TEKT5: variants seen among roughly 807,000 people sequenced by gnomAD.
TEKT5 encodes tektin 5.
In TEKT5, 52 loss-of-function variants were observed where a neutral mutation model predicts 48.7. The ratio of observed to expected loss-of-function variants is 1.07; its 90% CI spans 0.86 to 1.35. The LOEUF is 1.35. Among genes scored for constraint, TEKT5 ranks in the 40% most tolerant of loss-of-function variants. The probability of loss-of-function intolerance (pLI) is 0.00; values close to 1 mark genes in which losing one functional copy is unlikely to be tolerated. For missense variants in TEKT5, 831 were observed against 641.6 expected, an observed-to-expected ratio of 1.30 and a Z score of -3.19; for synonymous variants, 318 against 267.6, an observed-to-expected ratio of 1.19 and a Z score of -1.84.
chr16:10,690,788 T>C (rs1214581683), intron 1 of TEKT5: 4 of 985,256 alleles, frequency 4.1e-6, no homozygotes, highest in South Asian at 4.7e-5. Flanking sequence ...CAAACAGCAG[T>C]GATTAGCAAA....
At chr16:10,670,778 A>G (rs1898536684) in intron 5 of TEKT5, among the ~76,000 whole-genome samples, 1 of 152,216 alleles carries the variant, frequency 6.6e-6, no homozygotes. Context: ...ATAAAAATCC[A>G]TGAGGTTGCA....
chr16:10,671,489 A>G (rs1480506361), intron 5 of TEKT5, among the ~76,000 whole-genome samples: 1 of 152,220 alleles, frequency 6.6e-6, no homozygotes, highest in African/African-American at 2.4e-5. Flanking sequence ...ATGCTACAAC[A>G]TGGATGAGCC....
In TEKT5 at chr16:10,635,890, T is replaced by C. The variant is rs751569872; in HGVS notation, c.1115A>G (p.Asn372Ser). 5.0e-6 allele frequency: 8 copies of C among 1,613,886 alleles called. No individual in the cohort carries two copies. The African/African-American group carries it at 6.7e-5, about 13-fold the overall frequency. ...GGACCTTTCCAGCAGCATGATGGTG[T>C]TCTCGGCCTGGAAGATCTCCTGCAG... ...KTLQEIFQAE[N>S]TIMLLERSIM... is the part of the protein sequence containing the mutation. The change falls in exon 6 of 7, where the codon AAC becomes AGC. Residue 372 changes from asparagine (N) to serine (S), a missense_variant. Coordinates refer to ENST00000283025, the MANE Select transcript of TEKT5 (RefSeq NM_144674.2).
At chr16:10,629,937 TTTTTTTC>T (rs1567222894) in intron 6 of TEKT5, among the ~76,000 whole-genome samples, 1 of 152,050 alleles carries the variant, frequency 6.6e-6, no homozygotes, top group Non-Finnish European at 1.5e-5. Context: ...AGGGGAGGAC[TTTTTTTC>T]TTTTTTCTTT....
chr16:10,682,306 A>T (rs183393210), intron 3 of TEKT5, among the ~76,000 whole-genome samples, 170 bp from the exon 4 acceptor site: 2 of 150,468 alleles, frequency 1.3e-5, no homozygotes, highest in Non-Finnish European at 3.0e-5. Flanking sequence ...GCTCCCCCCA[A>T]TCCAAACAGA....
intron 1 of TEKT5, among the ~76,000 whole-genome samples, chr16:10,690,919 C>G (rs1898962667): frequency 6.6e-6 from 1 of 152,212 alleles, no homozygotes; most frequent in Non-Finnish European, 1.5e-5. Flanking sequence ...ACCCGTGCCA[C>G]AAGGATTTCC....
Position 10,643,546 on chromosome 16 carries a change from G to GTT in TEKT5, c.1087-7630_1087-7629dup, listed in dbSNP as rs1411361530. Among the ~76,000 whole-genome samples, 5 of 152,310 alleles carry GTT rather than the reference G, an allele frequency of 3.3e-5. No individual in the cohort carries two copies. In the South Asian group the frequency reaches 6.2e-4, roughly 19 times the overall value. On this transcript the variant is annotated intron_variant, in intron 5 of 6. Coordinates refer to ENST00000283025, the MANE Select transcript of TEKT5 (RefSeq NM_144674.2). ...ATGAGGCCGAGGGCCACATATGGCT[G>GTT]TTAAGCCCTTGAATGTGGCTAGTGC...
At chr16:10,636,363 G>A (rs1172548945) in intron 5 of TEKT5, among the ~76,000 whole-genome samples, 5 of 142,534 alleles carry the variant, frequency 3.5e-5, no homozygotes, top group Admixed American at 7.6e-5. Context: ...GGACAAGAGC[G>A]AGACTTTGTC....
chr16:10,678,121 G>A (rs184199055), intron 4 of TEKT5, among the ~76,000 whole-genome samples: 3 of 152,266 alleles, frequency 2.0e-5, no homozygotes, highest in Admixed American at 6.5e-5. Context: ...CTTTGACCTG[G>A]CTTCAGGTCC....
intron 6 of TEKT5, 150 bp downstream of exon 6, chr16:10,635,614 C>G: frequency 8.1e-7 from 1 of 1,235,186 alleles, no homozygotes; most frequent in Non-Finnish European, 1.1e-6. Flanking sequence ...CACCCACACC[C>G]TGCACTCTAC....
At chr16:10,684,410 T>C (rs76180716) in intron 3 of TEKT5, among the ~76,000 whole-genome samples, 2 of 151,396 alleles carry the variant, frequency 1.3e-5, no homozygotes, top group East Asian at 1.9e-4. Context: ...TTTTTTTTTT[T>C]CCTGCTGTGG....
At chr16:10,650,316 G>T (rs1898134485) in intron 5 of TEKT5, among the ~76,000 whole-genome samples, 2 of 151,796 alleles carry the variant, frequency 1.3e-5, no homozygotes, top group African/African-American at 4.8e-5. Context: ...GGCCAAGCAG[G>T]TCTCGAACTC....
intron 6 of TEKT5, among the ~76,000 whole-genome samples, chr16:10,629,884 T>C (rs1308681011): frequency 6.6e-6 from 1 of 152,188 alleles, no homozygotes; most frequent in African/African-American, 2.4e-5. Flanking sequence ...TACTACTTCC[T>C]CACCCCTCTC....
chr16:10,673,763 G>A (rs528284168), intron 5 of TEKT5, among the ~76,000 whole-genome samples: 1 of 147,680 alleles, frequency 6.8e-6, no homozygotes, highest in Non-Finnish European at 1.5e-5. Flanking sequence ...TGATTCTCCC[G>A]CCTCAGCCTC....
Position 10,689,264 on chromosome 16 carries a change from A to G in TEKT5, c.708T>C (p.Asp236=). 1 of 1,609,222 alleles carries G rather than the reference A, an allele frequency of 6.2e-7. No homozygotes were observed. Among genetic ancestry groups the G allele is most frequent in the Non-Finnish European group, 8.5e-7 (1 of 1,178,792 alleles). The part of the protein sequence containing the change: ...EQMRKLAQRI[D]IQMRDNRDAQ... ...AAAAAAGCCCTTACCGCATCTGGAT[A>G]TCAATTCTTTGAGCTAATTTTCTCA... The change falls in exon 3 of 7, where the codon GAT becomes GAC. Residue 236 remains aspartate (D), a synonymous_variant. Coordinates refer to ENST00000283025, the MANE Select transcript of TEKT5 (RefSeq NM_144674.2).
intron 2 of TEKT5, 25 bp from the exon 3 acceptor site, chr16:10,689,348 G>A: frequency 6.3e-7 from 1 of 1,595,664 alleles, no homozygotes. Flanking sequence ...GTCAGAAAGA[G>A]CAGTGCCTCT....
intron 5 of TEKT5, among the ~76,000 whole-genome samples, chr16:10,647,890 C>T (rs1345923854): frequency 6.6e-6 from 1 of 152,260 alleles, no homozygotes; most frequent in East Asian, 1.9e-4. Context: ...ATCCGAGTAA[C>T]CACAACAGCT....
At chr16:10,664,454 G>A (rs980721700) in intron 5 of TEKT5, among the ~76,000 whole-genome samples, 4 of 152,240 alleles carry the variant, frequency 2.6e-5, no homozygotes, top group Admixed American at 6.5e-5. Context: ...TAATGCTGAT[G>A]CTGATGGTCC....
chr16:10,683,388 T>C (rs1898794361), intron 3 of TEKT5, among the ~76,000 whole-genome samples: 1 of 43,192 alleles, frequency 2.3e-5, no homozygotes, highest in Non-Finnish European at 4.2e-5. Context: ...CTGGGTGGGA[T>C]CAGAGACTGG....
Sources: gnomAD v4.1 joint callset for allele counts (sites outside exome capture counted in the v4.1 genomes callset) on GRCh38, gnomAD v4.1.1 for gene constraint, MANE v1.5 for transcripts, NCBI Gene and HGNC (gene_info 2026-07-23, HGNC 2026-07-21) for gene names.